The following KCNIP4 variants were observed in gnomAD, a reference collection of about 807,000 sequenced individuals.
KCNIP4 encodes potassium voltage-gated channel interacting protein 4, also known as Kv channel-interacting protein 4.
In KCNIP4, 12 loss-of-function variants were observed where a neutral mutation model predicts 34.0. The observed-to-expected ratio is 0.35, with a 90% confidence interval of 0.23 to 0.57. The LOEUF is 0.57. Among genes scored for constraint, KCNIP4 ranks in the 20% least tolerant of loss-of-function variants. The pLI is 0.83. For missense variants in KCNIP4, 238 were observed against 311.7 expected, an observed-to-expected ratio of 0.76 and a Z score of 1.78; for synonymous variants, 124 against 102.2, an observed-to-expected ratio of 1.21 and a Z score of -1.29.
At chr4:20,825,488 T>C (rs1187693328) in intron 3 of KCNIP4, among the ~76,000 whole-genome samples, 1 of 152,140 alleles carries the variant, frequency 6.6e-6, no homozygotes. Context: ...TGATCCCACA[T>C]TTCTAGGCTG....
chr4:21,101,154 G>A (rs550529059), intron 1 of KCNIP4, among the ~76,000 whole-genome samples: 6 of 152,082 alleles, frequency 3.9e-5, no homozygotes, highest in African/African-American at 7.2e-5. Context: ...GTATTATTGC[G>A]CTGTATATGT....
chr4:20,730,906 T>C (rs1184359959), intron 8 of KCNIP4, among the ~76,000 whole-genome samples: 1 of 151,980 alleles, frequency 6.6e-6, no homozygotes, highest in Non-Finnish European at 1.5e-5. Flanking sequence ...CCAAGTAACA[T>C]CACCGTCAAG....
chr4:21,498,544 G>A lies in KCNIP4; in HGVS notation c.61+450027C>T, dbSNP rs895378997. On this transcript the variant is annotated intron_variant, in intron 1 of 8. Transcript: ENST00000382152. ...TAAATCAATGGATGAACAGATTGAT[G>A]GATAAATACACAAGGTCATGAGCAG... is the stretch of plus-strand genomic sequence containing the variant. Among the ~76,000 whole-genome samples, 3 of 152,142 alleles carry A rather than the reference G, an allele frequency of 2.0e-5. No homozygotes were observed. In the East Asian group the frequency reaches 5.8e-4, roughly 29 times the overall value.
At chr4:21,637,353 A>AAGC (rs1746264544) in intron 1 of KCNIP4, among the ~76,000 whole-genome samples, 1 of 152,146 alleles carries the variant, frequency 6.6e-6, no homozygotes, top group Admixed American at 6.6e-5. Flanking sequence ...ACTAGGATTC[A>AAGC]AGCAGCATAA....
intron 3 of KCNIP4, among the ~76,000 whole-genome samples, chr4:20,811,059 C>T (rs1715689764): frequency 6.6e-6 from 1 of 152,164 alleles, no homozygotes; most frequent in South Asian, 2.1e-4. Flanking sequence ...GGTAACTCAA[C>T]ATAGTCAAAG....
Position 21,589,106 on chromosome 4 carries a change from A to AGTTAGGATATCCT in KCNIP4, c.61+359452_61+359464dup, listed in dbSNP as rs537356075. Among the ~76,000 whole-genome samples, 149 of 142,966 alleles carry AGTTAGGATATCCT rather than the reference A, an allele frequency of 1.0e-3. 2 individuals carry two copies. The East Asian group carries it at 0.027, about 26-fold the overall frequency. 93.8% of individuals were successfully genotyped at this position (142,966 alleles called of 152,430 possible). ...TTACTATAAAATAGTCTAAGTAATC[A>AGTTAGGATATCCT]GTTAGGATATCCTGGACTCAGTGCT... On this transcript the variant is annotated intron_variant, in intron 1 of 8. Transcript: ENST00000382152.
intron 3 of KCNIP4, among the ~76,000 whole-genome samples, chr4:20,829,952 C>G (rs1254003416): frequency 1.3e-5 from 2 of 152,098 alleles, no homozygotes; most frequent in African/African-American, 4.8e-5. Flanking sequence ...CCATAGCTCT[C>G]TTCGGATGTC....
intron 1 of KCNIP4, among the ~76,000 whole-genome samples, chr4:21,541,180 C>CAAAAAAAAAAAAAAAAAAAA (rs60459395): frequency 5.6e-5 from 6 of 107,456 alleles, no homozygotes; most frequent in Non-Finnish European, 7.5e-5. Flanking sequence ...CAAAAGAAAA[C>CAAAAAAAAAAAAAAAAAAAA]AAAAAAAAAA....
At chr4:21,180,745 ATATT>A (rs1356511740) in intron 1 of KCNIP4, among the ~76,000 whole-genome samples, 1 of 150,580 alleles carries the variant, frequency 6.6e-6, no homozygotes, top group Non-Finnish European at 1.5e-5. Context: ...TTGTGTATAT[ATATT>A]TGTGTATATA....
chr4:21,081,930 C>A (rs919856), intron 1 of KCNIP4, among the ~76,000 whole-genome samples: 31,854 of 151,568 alleles, frequency 0.21, 3,699 homozygotes, highest in African/African-American at 0.29. Flanking sequence ...AGCTTGCAAA[C>A]TTCAAAGCTC....
At chr4:20,799,817 G>T (rs142825041) in intron 3 of KCNIP4, among the ~76,000 whole-genome samples, 1 of 152,166 alleles carries the variant, frequency 6.6e-6, no homozygotes, top group Non-Finnish European at 1.5e-5. Flanking sequence ...GCACTGTTCC[G>T]TGAGGATTTA....
intron 1 of KCNIP4, among the ~76,000 whole-genome samples, chr4:20,934,729 CA>C (rs1485746025): frequency 6.6e-6 from 1 of 152,140 alleles, no homozygotes; most frequent in Non-Finnish European, 1.5e-5. Context: ...AACAGTTTAT[CA>C]TATGGCTCTA....
chr4:20,830,679 A>G (rs1718314563), intron 3 of KCNIP4, among the ~76,000 whole-genome samples: 1 of 152,212 alleles, frequency 6.6e-6, no homozygotes, highest in Non-Finnish European at 1.5e-5. Context: ...ATAATACAGA[A>G]AAAATGTATA....
chr4:20,819,198 T>G (rs190534059), intron 3 of KCNIP4, among the ~76,000 whole-genome samples: 45 of 152,246 alleles, frequency 3.0e-4, no homozygotes, highest in Admixed American at 1.5e-3. Context: ...GAACTTATGA[T>G]ATACACAAAC....
rs186670513 is a variant in KCNIP4, at chr4:21,803,694, T to C, written c.61+144877A>G. On this transcript the variant is annotated intron_variant, in intron 1 of 8. Coordinates refer to ENST00000382152, the MANE Select transcript of KCNIP4 (RefSeq NM_025221.6). ...CACCTTTCCCCTTGTCTGTCCTTCT[T>C]ACCTCTCAGTTCAATAGACACTTCC... Among the ~76,000 whole-genome samples, 580 of 152,212 alleles carry C rather than the reference T, an allele frequency of 3.8e-3. 3 individuals are homozygous for C. Among genetic ancestry groups the C allele is most frequent in the Middle Eastern group, 6.8e-3 (2 of 294 alleles).
At chr4:21,701,739 C>G (rs1290021820) in intron 1 of KCNIP4, among the ~76,000 whole-genome samples, 1 of 152,024 alleles carries the variant, frequency 6.6e-6, no homozygotes, top group African/African-American at 2.4e-5. Flanking sequence ...GAGTCTCACT[C>G]TGACACCCTG....
chr4:21,943,447 GGAGGATTGCTT>G (rs1176752133), intron 1 of KCNIP4, among the ~76,000 whole-genome samples: 1 of 152,160 alleles, frequency 6.6e-6, no homozygotes, highest in Non-Finnish European at 1.5e-5. Context: ...GGCTGAGGCA[GGAGGATTGCTT>G]GAGGCCAGGA....
intron 1 of KCNIP4, chr4:21,718,655 T>C (rs192485222): frequency 6.7e-6 from 1 of 149,556 alleles, no homozygotes; most frequent in East Asian, 1.9e-4. Context: ...AAAATAATTT[T>C]CATTTTGCTA....
At position 20,953,164 on chromosome 4, in the gene KCNIP4, G is replaced by A. The variant is rs530433251; in HGVS notation, c.62-70455C>T. On this transcript the variant is annotated intron_variant, in intron 1 of 8. Coordinates refer to ENST00000382152, the MANE Select transcript of KCNIP4 (RefSeq NM_025221.6). ...TCTGCATTTGAATCTTTGTCTGTTT[G>A]ACTCAACTGTCTTTCCTTGCAGTCA... is the stretch of plus-strand genomic sequence containing the variant. Among the ~76,000 whole-genome samples the A allele has an allele frequency of 2.0e-5, 3 of 152,358 alleles. No homozygotes were observed. The South Asian group carries it at 6.2e-4, about 32-fold the overall frequency.
Sources: gnomAD v4.1 joint callset for allele counts (sites outside exome capture counted in the v4.1 genomes callset) on GRCh38, gnomAD v4.1.1 for gene constraint, MANE v1.5 for transcripts, NCBI Gene and HGNC (gene_info 2026-07-23, HGNC 2026-07-21) for gene names.